TBC1D22A: variants seen among roughly 807,000 people sequenced by gnomAD.
TBC1D22A encodes the protein TBC1 domain family member 22A.
TBC1D22A carries 38 observed loss-of-function variants against 60.2 expected under a neutral mutation model. That is an observed-to-expected ratio of 0.63 (90% CI 0.49 to 0.83). The LOEUF is 0.83. Among genes scored for constraint, TBC1D22A ranks in the 40% least tolerant of loss-of-function variants. The probability of loss-of-function intolerance (pLI) is 0.00; values close to 1 mark genes in which losing one functional copy is unlikely to be tolerated. For synonymous variants in TBC1D22A, 302 were observed against 281.7 expected, an observed-to-expected ratio of 1.07 and a Z score of -0.72; for missense variants, 628 against 701.0, an observed-to-expected ratio of 0.90 and a Z score of 1.18.
intron 8 of TBC1D22A, among the ~76,000 whole-genome samples, chr22:46,944,468 G>A (rs1207360596): frequency 1.3e-5 from 2 of 152,004 alleles, no homozygotes; most frequent in East Asian, 1.9e-4. Context: ...GCGCAATCTT[G>A]GCTCACTGCA....
At chr22:46,843,812 C>T (rs2086877602) in intron 4 of TBC1D22A, among the ~76,000 whole-genome samples, 1 of 152,046 alleles carries the variant, frequency 6.6e-6, no homozygotes, top group African/African-American at 2.4e-5. Flanking sequence ...GCATCTCATT[C>T]ACAGCGGATT....
At position 46,854,782 on chromosome 22, in the gene TBC1D22A, A is replaced by T. The variant is rs1455104389; in HGVS notation, c.638-23871A>T. Among the ~76,000 whole-genome samples, 4 of 152,276 alleles carry T rather than the reference A, an allele frequency of 2.6e-5. No homozygotes were observed. In the East Asian group the frequency reaches 5.8e-4, roughly 22 times the overall value. ...TTTACAGCTCCCCGTTGCTTGCAGG[A>T]CAAAGATCACACTCCTGATATTTAA... On this transcript the variant is annotated intron_variant, in intron 4 of 12. Transcript: ENST00000337137.
Position 47,028,459 on chromosome 22 carries a change from CCCCACGGCCCAGG to C in TBC1D22A, c.1202-8611_1202-8599del. On this transcript the variant is annotated intron_variant, in intron 10 of 12. Transcript: ENST00000337137. This position sits in a 1 kb window ranked among gnomAD's most constrained non-coding sequence, Gnocchi z 4.4. The stretch of plus-strand genomic sequence containing the variant: ...GCATTCCTGTCCCTCGGTCCCTGTC[CCCCACGGCCCAGG>C]TTCTGAGAGCGAGTGGTCGCATTCC... Among the ~76,000 whole-genome samples the C allele has an allele frequency of 8.0e-6, 1 of 125,614 alleles. No individual in the cohort carries two copies. Among genetic ancestry groups the C allele is most frequent in the South Asian group, 2.7e-4 (1 of 3,658 alleles). 82.4% of individuals were successfully genotyped at this position (125,614 alleles called of 152,430 possible).
intron 4 of TBC1D22A, among the ~76,000 whole-genome samples, chr22:46,829,534 T>A (rs2086217552): frequency 1.3e-5 from 2 of 152,184 alleles, no homozygotes; most frequent in African/African-American, 2.4e-5. Flanking sequence ...ATACATCTGC[T>A]TCACATTGCT....
intron 9 of TBC1D22A, among the ~76,000 whole-genome samples, chr22:46,978,476 A>AT (rs1464710549): frequency 6.6e-6 from 1 of 152,230 alleles, no homozygotes; most frequent in East Asian, 1.9e-4. Flanking sequence ...AATCTCCTTA[A>AT]TGTCTAACTT....
intron 7 of TBC1D22A, among the ~76,000 whole-genome samples, chr22:46,904,559 C>A (rs1213789647): frequency 1.3e-5 from 2 of 151,830 alleles, no homozygotes; most frequent in East Asian, 3.9e-4. Context: ...ACCTCTGCCT[C>A]CCGGGTTCAA....
At chr22:47,156,793 C>T (rs570467075) in intron 12 of TBC1D22A, among the ~76,000 whole-genome samples, 104 of 152,350 alleles carry the variant, frequency 6.8e-4, no homozygotes, top group African/African-American at 2.1e-3. Flanking sequence ...TCCCCTTCTC[C>T]GGCCCCTCAG....
intron 4 of TBC1D22A, among the ~76,000 whole-genome samples, chr22:46,841,694 A>G (rs1327479972): frequency 6.6e-6 from 1 of 152,206 alleles, no homozygotes; most frequent in East Asian, 1.9e-4. Context: ...AGGGCTGCAA[A>G]GTGGGGAGAT....
intron 4 of TBC1D22A, among the ~76,000 whole-genome samples, chr22:46,818,638 C>A (rs147058454): frequency 6.6e-6 from 1 of 152,308 alleles, no homozygotes; most frequent in East Asian, 1.9e-4. Context: ...CAGTACCATG[C>A]AGTTTTGATT....
At chr22:47,163,485 G>A (rs774741562) in intron 12 of TBC1D22A, among the ~76,000 whole-genome samples, 6 of 152,216 alleles carry the variant, frequency 3.9e-5, no homozygotes, top group Non-Finnish European at 5.9e-5. Flanking sequence ...TGGTAGGGTC[G>A]GTGTGTGCGA....
intron 1 of TBC1D22A, among the ~76,000 whole-genome samples, chr22:46,769,213 G>T (rs2083402831): frequency 1.3e-5 from 2 of 152,166 alleles, no homozygotes; most frequent in Admixed American, 6.5e-5. Context: ...TAGTGATGTG[G>T]CTCTGACAGC....
At chr22:46,865,781 T>G (rs940082019) in intron 4 of TBC1D22A, among the ~76,000 whole-genome samples, 14 of 152,244 alleles carry the variant, frequency 9.2e-5, no homozygotes, top group Non-Finnish European at 1.8e-4. Context: ...TGTGGCTTTT[T>G]GCTTACTCTT....
chr22:47,087,645 C>A (rs1477497489), intron 11 of TBC1D22A, among the ~76,000 whole-genome samples: 1 of 152,124 alleles, frequency 6.6e-6, no homozygotes, highest in Non-Finnish European at 1.5e-5. Context: ...CATATTTGCA[C>A]ATATATCTAT....
chr22:47,019,095 C>G (rs534577688), intron 10 of TBC1D22A, among the ~76,000 whole-genome samples: 1 of 152,358 alleles, frequency 6.6e-6, no homozygotes, highest in African/African-American at 2.4e-5. Flanking sequence ...TTCACTCCCG[C>G]GCCTCCCAGC....
Position 47,174,570 on chromosome 22 carries a change from A to C in TBC1D22A, c.*944A>C, listed in dbSNP as rs985643453. 1 of 152,210 alleles carries C rather than the reference A, an allele frequency of 6.6e-6. No homozygotes were observed. Among genetic ancestry groups the C allele is most frequent in the Non-Finnish European group, 1.5e-5 (1 of 68,094 alleles). 9.4% of individuals were successfully genotyped at this position (152,210 alleles called of 1,614,324 possible). The stretch of plus-strand genomic sequence containing the variant: ...TTCCTGGGACTTGCTGTCCTTGTCC[A>C]GGTCTGCCAGGTGTAGGGGAGGTGT... On this transcript the variant is annotated 3_prime_UTR_variant, in exon 13 of 13. Coordinates refer to ENST00000337137, the MANE Select transcript of TBC1D22A (RefSeq NM_014346.5).
intron 12 of TBC1D22A, among the ~76,000 whole-genome samples, chr22:47,117,769 A>G (rs2066123014): frequency 1.3e-5 from 2 of 152,236 alleles, no homozygotes; most frequent in African/African-American, 2.4e-5. Flanking sequence ...TATAAAACAT[A>G]CAAAGATATT....
intron 11 of TBC1D22A, among the ~76,000 whole-genome samples, chr22:47,099,455 T>C (rs2065322295): frequency 6.6e-6 from 1 of 151,198 alleles, no homozygotes. Context: ...TTGTTGTTTT[T>C]TTTTTTTGAA....
intron 11 of TBC1D22A, among the ~76,000 whole-genome samples, chr22:47,062,267 C>T (rs2063608835): frequency 6.6e-6 from 1 of 152,078 alleles, no homozygotes; most frequent in Admixed American, 6.5e-5. Flanking sequence ...ACCCAGGCCT[C>T]CTGAATCGGA....
At chr22:46,959,690 T>G (rs1367376507) in intron 8 of TBC1D22A, among the ~76,000 whole-genome samples, 2 of 152,128 alleles carry the variant, frequency 1.3e-5, no homozygotes, top group Non-Finnish European at 2.9e-5. Flanking sequence ...CTGATTCCGC[T>G]TGGTCAGAGC....
Sources: gnomAD v4.1 joint callset for allele counts (sites outside exome capture counted in the v4.1 genomes callset) on GRCh38, gnomAD v4.1.1 for gene constraint, Gnocchi (gnomAD v3.1) non-coding constraint, MANE v1.5 for transcripts, NCBI Gene and HGNC (gene_info 2026-07-23, HGNC 2026-07-21) for gene names.